Variants in CXADR observed in about 807,000 individuals in gnomAD.
CXADR encodes CXADR cell adhesion molecule, also known as coxsackievirus and adenovirus receptor.
A neutral mutation model predicts 40.3 loss-of-function variants in CXADR; 20 were observed. The ratio of observed to expected loss-of-function variants is 0.50; its 90% confidence interval spans 0.35 to 0.72. The LOEUF is 0.72. Among genes scored for constraint, CXADR ranks in the 30% least tolerant of loss-of-function variants. The probability of loss-of-function intolerance (pLI) is 0.01; values close to 1 mark genes in which losing one functional copy is unlikely to be tolerated. For synonymous variants in CXADR, 150 were observed against 161.3 expected (o/e 0.93, Z 0.53); for missense variants, 332 against 449.1 (o/e 0.74, Z 2.36).
At chr21:17,516,180 A>C (rs2060460067) in intron 1 of CXADR, among the ~76,000 whole-genome samples, 1 of 152,180 alleles carries the variant, frequency 6.6e-6, no homozygotes, top group African/African-American at 2.4e-5. Context: ...TATTTATTAT[A>C]CTTATCCCTG....
the CXADR span, chr21:17,605,009 T>C: frequency 1.9e-6 from 3 of 1,612,024 alleles, no homozygotes; most frequent in Admixed American, 3.4e-5. Flanking sequence ...TACAACAAAG[T>C]GGAGTTACGT....
chr21:17,593,609 C>A (rs182507220), downstream of CXADR: 117 of 161,762 alleles, frequency 7.2e-4, no homozygotes, highest in Non-Finnish European at 8.6e-4. Flanking sequence ...AAGGGAAATA[C>A]CCGTTCTTTT....
intron 2 of CXADR, 76 bp from the exon 3 acceptor site, chr21:17,551,673 T>G: frequency 7.6e-7 from 1 of 1,324,328 alleles, no homozygotes; most frequent in Non-Finnish European, 1.0e-6. Context: ...AGCAGGTGTA[T>G]CCAGGGCTCC....
chr21:17,517,159 A>T (rs916174676), intron 1 of CXADR, among the ~76,000 whole-genome samples: 3 of 152,208 alleles, frequency 2.0e-5, no homozygotes, highest in African/African-American at 7.2e-5. Flanking sequence ...CCAGGAAATG[A>T]TATATTTTCT....
rs1247284810 is a variant in CXADR, at chr21:17,593,272, T to TA, written c.*86dup. On this transcript the variant is annotated 3_prime_UTR_variant, in exon 8 of 8. Transcript: ENST00000400169. Reference sequence around the variant, plus strand: ...CTCTAGTAAAGACTTAAATGTTTTTTAAAAAAAGCACAAGGCACAGAGATT... The same window carrying TA: ...CTCTAGTAAAGACTTAAATGTTTTTTAAAAAAAAGCACAAGGCACAGAGATT... 4.0e-5 allele frequency: 50 copies of TA among 1,243,044 alleles called. No individual in the cohort carries two copies. The East Asian group carries it at 6.3e-4, about 16-fold the overall frequency. 77.0% of individuals were successfully genotyped at this position (1,243,044 alleles called of 1,614,324 possible).
rs2061244668 is a variant in CXADR, at chr21:17,568,561, T to C, written c.*2869T>C. ...TGTAGAATATATAGTTCTGTACTTTTTTTTTTTTTTTTTAAGAGATAGGGT... is the reference window on the plus strand; with the variant it reads ...TGTAGAATATATAGTTCTGTACTTTCTTTTTTTTTTTTTAAGAGATAGGGT... On this transcript the variant is annotated 3_prime_UTR_variant, in exon 7 of 7. Transcript: ENST00000284878. The C allele has an allele frequency of 2.1e-6, 2 of 955,236 alleles. No individual in the cohort carries two copies. Among genetic ancestry groups the C allele is most frequent in the African/African-American group, 3.5e-5 (2 of 56,606 alleles). The allele number at this position is 955,236 out of a possible 1,614,324, so 59.2% of individuals were successfully genotyped here.
intron 7 of CXADR, among the ~76,000 whole-genome samples, chr21:17,580,519 G>C (rs547403786): frequency 2.6e-5 from 4 of 152,072 alleles, no homozygotes; most frequent in Non-Finnish European, 5.9e-5. Context: ...TGAAGTAGGA[G>C]GATCACCTGA....
At chr21:17,513,455 G>C (rs2123077517) in intron 1 of CXADR, among the ~76,000 whole-genome samples, 1 of 152,284 alleles carries the variant, frequency 6.6e-6, no homozygotes, top group East Asian at 1.9e-4. Context: ...TGTCGGGTGC[G>C]CCTCGCAGCT....
Position 17,568,786 on chromosome 21 carries a change from T to C in CXADR, c.*3094T>C. 1.0e-6 allele frequency: 1 copy of C among 985,132 alleles called. No homozygotes were observed. Among genetic ancestry groups the C allele is most frequent in the Non-Finnish European group, 1.2e-6 (1 of 829,892 alleles). The allele number at this position is 985,132 out of a possible 1,614,324, so 61.0% of individuals were successfully genotyped here. ...ATTCCCTTGTTAGAGAGCCTCTCACTCCCCCACCCCCAAAAATGTCTACTA... is the reference window on the plus strand; with the variant it reads ...ATTCCCTTGTTAGAGAGCCTCTCACCCCCCCACCCCCAAAAATGTCTACTA... On this transcript the variant is annotated 3_prime_UTR_variant, in exon 7 of 7. Transcript: ENST00000284878.
chr21:17,576,382 G>A (rs2061322625), intron 7 of CXADR, among the ~76,000 whole-genome samples: 1 of 152,092 alleles, frequency 6.6e-6, no homozygotes, highest in South Asian at 2.1e-4. Context: ...GAATAAAATA[G>A]GATAATAGTA....
At chr21:17,537,154 C>T in intron 1 of CXADR, among the ~76,000 whole-genome samples, 1 of 152,216 alleles carries the variant, frequency 6.6e-6, no homozygotes, top group East Asian at 1.9e-4. Flanking sequence ...AAAGCATATG[C>T]CAACAGTGTT....
the CXADR span, chr21:17,604,797 C>G: frequency 6.4e-7 from 1 of 1,566,344 alleles, no homozygotes; most frequent in Non-Finnish European, 8.7e-7. Flanking sequence ...CCGTACATGA[C>G]AGAATGTCAT....
the CXADR span, among the ~76,000 whole-genome samples, chr21:17,623,265 A>G: frequency 6.6e-6 from 1 of 152,078 alleles, no homozygotes; most frequent in Admixed American, 6.6e-5. Context: ...TTTATTTTGG[A>G]AGTATTTATT....
intron 1 of CXADR, among the ~76,000 whole-genome samples, chr21:17,527,865 G>T (rs2060616934): frequency 1.3e-5 from 2 of 151,592 alleles, no homozygotes; most frequent in South Asian, 4.2e-4. Flanking sequence ...AGGCTGGAAT[G>T]CAGCCTGCTT....
chr21:17,587,696 C>G (rs2061407613), intron 7 of CXADR, among the ~76,000 whole-genome samples: 1 of 152,124 alleles, frequency 6.6e-6, no homozygotes, highest in African/African-American at 2.4e-5. Flanking sequence ...TGCCTGTTCA[C>G]TCTGATGGTA....
chr21:17,513,212 C>A (rs756562246), intron 1 of CXADR, 40 bp downstream of exon 1: 40 of 1,344,524 alleles, frequency 3.0e-5, no homozygotes, highest in Non-Finnish European at 3.1e-5. Context: ...CCGCCCAGCC[C>A]GGGGGCGCTC....
chr21:17,596,996 G>T (rs1366102961), downstream of CXADR, among the ~76,000 whole-genome samples: 1 of 151,998 alleles, frequency 6.6e-6, no homozygotes, highest in East Asian at 1.9e-4. Context: ...CCAGATTCAA[G>T]ATACTAGAAA....
chr21:17,588,020 G>A (rs1488138485), intron 7 of CXADR, among the ~76,000 whole-genome samples: 4 of 151,994 alleles, frequency 2.6e-5, no homozygotes, highest in Admixed American at 6.6e-5. Context: ...TTTTTCTCAG[G>A]TTTGTCAAAG....
At chr21:17,572,851 C>T (rs1245874349), downstream of CXADR, among the ~76,000 whole-genome samples, 1 of 151,964 alleles carries the variant, frequency 6.6e-6, no homozygotes, top group African/African-American at 2.4e-5. Flanking sequence ...GCGAAAATAC[C>T]GAAAACAATT....
Sources: allele counts gnomAD v4.1 joint callset (sites outside exome capture counted in the v4.1 genomes callset), GRCh38; gene constraint gnomAD v4.1.1; transcripts MANE v1.5; gene names NCBI Gene and HGNC (gene_info 2026-07-23, HGNC 2026-07-21).